The following CRADD variants were observed in gnomAD, a reference collection of about 807,000 sequenced individuals.
CRADD encodes CARD and death domain containing adaptor protein.
A neutral mutation model predicts 15.5 loss-of-function variants in CRADD; 9 were observed. The observed-to-expected ratio is 0.58, with a 90% CI of 0.35 to 1.01. The LOEUF is 1.01. Ranked by LOEUF, CRADD falls within the 50% of genes least tolerant of loss-of-function variation. The pLI is 0.02. For synonymous variants in CRADD, 118 were observed against 107.6 expected (o/e 1.10, Z -0.60); for missense variants, 227 against 250.3 (o/e 0.91, Z 0.63).
At position 93,758,101 on chromosome 12, in the gene CRADD, C is replaced by T. The variant is rs548676566; in HGVS notation, c.298+79029C>T. ...TTTCTTCTAAGAAATGAAGTCTATC[C>T]GTTAAGGAAATGTCAGTTAATCCTC... On this transcript the variant is annotated intron_variant, in intron 2 of 2. Transcript: ENST00000332896. Among the ~76,000 whole-genome samples the T allele has an allele frequency of 3.9e-5, 6 of 152,310 alleles. No homozygotes were observed. The South Asian group carries it at 6.2e-4, about 16-fold the overall frequency.
chr12:93,807,981 C>CAAAAAA (rs368104878), intron 2 of CRADD, among the ~76,000 whole-genome samples: 8,174 of 67,582 alleles, frequency 0.12, 1,357 homozygotes, highest in East Asian at 0.36. Flanking sequence ...AAGTGTTATG[C>CAAAAAA]AAAAAAAAAA....
intron 2 of CRADD, among the ~76,000 whole-genome samples, chr12:93,863,437 T>C (rs747020283): frequency 6.6e-6 from 1 of 152,196 alleles, no homozygotes; most frequent in Non-Finnish European, 1.5e-5. Flanking sequence ...TTATCTTCCC[T>C]TCATTCTACT....
At chr12:93,767,928 C>T (rs1008958524) in intron 2 of CRADD, among the ~76,000 whole-genome samples, 1 of 152,210 alleles carries the variant, frequency 6.6e-6, no homozygotes, top group Admixed American at 6.5e-5. Context: ...CCAGTATTGA[C>T]ATTTTGGAGT....
intron 2 of CRADD, among the ~76,000 whole-genome samples, chr12:93,811,089 T>G (rs1486311008): frequency 6.6e-6 from 1 of 152,180 alleles, no homozygotes; most frequent in Non-Finnish European, 1.5e-5. Context: ...GTGGTCTAGT[T>G]TTTTGAAAGA....
chr12:93,883,676 A>C (rs1305488827), intron 2 of CRADD, among the ~76,000 whole-genome samples: 1 of 152,092 alleles, frequency 6.6e-6, no homozygotes, highest in Admixed American at 6.5e-5. Flanking sequence ...AACAAAAAAA[A>C]CACCACATTA....
intron 2 of CRADD, among the ~76,000 whole-genome samples, chr12:93,888,704 C>G (rs1958555668): frequency 6.6e-6 from 1 of 152,114 alleles, no homozygotes; most frequent in African/African-American, 2.4e-5. Flanking sequence ...TGCTGTCATC[C>G]AGGCCAGAGA....
chr12:93,747,701 C>T (rs757995491), intron 2 of CRADD, among the ~76,000 whole-genome samples: 3 of 152,124 alleles, frequency 2.0e-5, no homozygotes, highest in Non-Finnish European at 4.4e-5. Flanking sequence ...CTCCTGACCT[C>T]GTGATCTGCC....
At chr12:93,701,118 A>G (rs1386429168) in intron 2 of CRADD, among the ~76,000 whole-genome samples, 2 of 152,172 alleles carry the variant, frequency 1.3e-5, no homozygotes, top group Non-Finnish European at 2.9e-5. Context: ...TTTTAAATTC[A>G]TTTCAGACCT....
At chr12:93,764,141 C>G (rs1417330777) in intron 2 of CRADD, among the ~76,000 whole-genome samples, 2 of 149,572 alleles carry the variant, frequency 1.3e-5, no homozygotes, top group Non-Finnish European at 3.0e-5. Flanking sequence ...GATGTTTTTC[C>G]TGGGCAGTTA....
At chr12:93,862,227 G>T (rs1958324841) in intron 2 of CRADD, among the ~76,000 whole-genome samples, 1 of 152,156 alleles carries the variant, frequency 6.6e-6, no homozygotes, top group Non-Finnish European at 1.5e-5. Context: ...GTTTCCAGCA[G>T]TATTTTTTTC....
chr12:93,827,374 A>C (rs146820191), intron 2 of CRADD, among the ~76,000 whole-genome samples: 1 of 152,310 alleles, frequency 6.6e-6, no homozygotes, highest in African/African-American at 2.4e-5. Context: ...AGATTTGTCC[A>C]TGTTGAAGTG....
intron 2 of CRADD, among the ~76,000 whole-genome samples, chr12:93,893,251 T>C (rs1958589205): frequency 6.6e-6 from 1 of 152,206 alleles, no homozygotes; most frequent in Non-Finnish European, 1.5e-5. Context: ...AGTGTCTTTC[T>C]ATAGGGCTGT....
intron 2 of CRADD, among the ~76,000 whole-genome samples, chr12:93,772,044 A>G (rs1366926658): frequency 6.6e-6 from 1 of 152,242 alleles, no homozygotes; most frequent in Non-Finnish European, 1.5e-5. Context: ...AACCTAATTT[A>G]TAAAATATTC....
intron 2 of CRADD, among the ~76,000 whole-genome samples, chr12:93,780,894 A>C (rs1312934827): frequency 6.7e-6 from 1 of 149,720 alleles, no homozygotes; most frequent in Non-Finnish European, 1.5e-5. Context: ...TTACAGGCAC[A>C]TGCCACCATG....
At chr12:93,702,171 G>A (rs1254339766) in intron 2 of CRADD, among the ~76,000 whole-genome samples, 1 of 152,124 alleles carries the variant, frequency 6.6e-6, no homozygotes, top group Non-Finnish European at 1.5e-5. Context: ...TTAAATGAGT[G>A]CATGCTGTGA....
intron 2 of CRADD, among the ~76,000 whole-genome samples, chr12:93,742,215 C>T (rs946354218): frequency 1.3e-5 from 2 of 152,192 alleles, no homozygotes; most frequent in East Asian, 3.9e-4. Context: ...GGCAGGAAGC[C>T]GTCAAGGAGA....
intron 2 of CRADD, among the ~76,000 whole-genome samples, chr12:93,808,136 A>G (rs1428768567): frequency 6.6e-6 from 1 of 151,886 alleles, no homozygotes; most frequent in African/African-American, 2.4e-5. Context: ...AGCTGTGTAG[A>G]AGGAGCTGTG....
chr12:93,808,364 G>T (rs1044142000), intron 2 of CRADD, among the ~76,000 whole-genome samples: 1 of 152,096 alleles, frequency 6.6e-6, no homozygotes, highest in Non-Finnish European at 1.5e-5. Context: ...CCTGTGCAGG[G>T]GAACTCCCAT....
chr12:93,696,923 T>C (rs1565875807), intron 2 of CRADD, among the ~76,000 whole-genome samples: 1 of 152,164 alleles, frequency 6.6e-6, no homozygotes, highest in Non-Finnish European at 1.5e-5. Flanking sequence ...TTATTATCAT[T>C]TTATATCAGG....
Sources: allele counts gnomAD v4.1 joint callset (sites outside exome capture counted in the v4.1 genomes callset), GRCh38; gene constraint gnomAD v4.1.1; transcripts MANE v1.5; gene names NCBI Gene and HGNC (gene_info 2026-07-23, HGNC 2026-07-21).